EFCAB10: variants seen among roughly 807,000 people sequenced by gnomAD.
EFCAB10 encodes the protein EF-hand calcium binding domain 10, also known as EF-hand calcium-binding domain-containing protein 10.
In EFCAB10, 7 loss-of-function variants were observed where a neutral mutation model predicts 7.7. That is an observed-to-expected ratio of 0.91 (90% CI 0.52 to 1.72). EFCAB10 has a LOEUF of 1.72. Among genes scored for constraint, EFCAB10 ranks in the 40% most tolerant of loss-of-function variants. The pLI is 0.00. For synonymous variants in EFCAB10, 52 were observed against 21.0 expected (o/e 2.47, Z -4.03); for missense variants, 112 against 61.5 (o/e 1.82, Z -2.74).
At chr7:105,567,711 A>T (rs1277263654) in intron 3 of EFCAB10, 1 of 486,038 alleles carries the variant, frequency 2.1e-6, no homozygotes, top group Non-Finnish European at 3.6e-6. Context: ...AGGCACCTGT[A>T]TCTAGTTTGG....
At chr7:105,580,736 A>G (rs1347689621) in intron 1 of EFCAB10, among the ~76,000 whole-genome samples, 1 of 152,120 alleles carries the variant, frequency 6.6e-6, no homozygotes, top group Non-Finnish European at 1.5e-5. Flanking sequence ...AGGTCGGCAA[A>G]TTACAATTCT....
At chr7:105,566,966 A>G (rs1209321053) in intron 4 of EFCAB10, 1 of 445,576 alleles carries the variant, frequency 2.2e-6, no homozygotes, top group East Asian at 3.4e-5. Context: ...TAGTCTTACC[A>G]TGTTAAAAGA....
Position 105,581,350 on chromosome 7 carries a change from G to A in EFCAB10, c.106+8C>T. The A allele has an allele frequency of 1.4e-6, 1 of 702,888 alleles. No individual in the cohort carries two copies. Among genetic ancestry groups the A allele is most frequent in the Non-Finnish European group, 2.6e-6 (1 of 384,930 alleles). 43.5% of individuals were successfully genotyped at this position (702,888 alleles called of 1,614,324 possible). ...GGTATGGCTGTACCGGGGCATGGGG[G>A]CCCTTACCCGGCCGAAAGAAAAGGA... On this transcript the variant is annotated splice_region_variant and intron_variant, in intron 1 of 4. Transcript: ENST00000480514.
chr7:105,581,384 G>A lies in EFCAB10; in HGVS notation c.80C>T (p.Thr27Ile). The A allele has an allele frequency of 1.4e-6, 1 of 703,030 alleles. No individual in the cohort carries two copies. Among genetic ancestry groups the A allele is most frequent in the Non-Finnish European group, 2.6e-6 (1 of 385,006 alleles). 43.5% of individuals were successfully genotyped at this position (703,030 alleles called of 1,614,324 possible). A position where few individuals can be genotyped will look rare whatever the true frequency, so the allele number is the denominator to read the frequency against. ...HQIKEVVSYL[T>I]SALLFFRPEK... ...CGGCCGAAAGAAAAGGAGGGCGCTG[G>A]TGAGGTAGCTAACCACCTCCTTGAT... The change falls in exon 1 of 5, where the codon ACC (threonine) becomes ATC (isoleucine). Residue 27 changes from threonine to isoleucine, a missense_variant. Thr to Ile is a moderately conservative substitution (Grantham distance 89). Transcript: ENST00000480514.
intron 4 of EFCAB10, chr7:105,566,818 T>C (rs551783131): frequency 5.5e-6 from 1 of 180,766 alleles, no homozygotes; most frequent in Non-Finnish European, 1.1e-5. Flanking sequence ...TCCCATGTTC[T>C]AATCTACCTA....
Position 105,570,251 on chromosome 7 carries a change from A to G in EFCAB10, c.107-680T>C, listed in dbSNP as rs186149352. On this transcript the variant is annotated intron_variant, in intron 1 of 4. Transcript: ENST00000480514. ...AAAAAAAAAAAAAAAATATATATAT[A>G]TATATATATATATATATACACACAC... Among the ~76,000 whole-genome samples the G allele has an allele frequency of 3.7e-3, 366 of 99,286 alleles. 14 individuals are homozygous for G. The highest frequency in any genetic ancestry group is 0.027 in the East Asian group (108 of 3,934). The allele number at this position is 99,286 out of a possible 152,430, so 65.1% of individuals were successfully genotyped here. A position where few individuals can be genotyped will look rare whatever the true frequency, so the allele number is the denominator to read the frequency against.
intron 3 of EFCAB10, chr7:105,567,697 AT>A (rs1791828803): frequency 2.0e-6 from 1 of 504,110 alleles, no homozygotes; most frequent in Non-Finnish European, 3.5e-6. Context: ...CATATTTGTA[AT>A]TGAGGCACCT....
At position 105,567,253 on chromosome 7, in the gene EFCAB10, A is replaced by G. The variant is rs1479143379; in HGVS notation, c.383+214T>C. On this transcript the variant is annotated intron_variant, in intron 4 of 4. Transcript: ENST00000480514. The stretch of plus-strand genomic sequence containing the variant: ...GAAGTTGGAATTTACAAACTGGCTC[A>G]ACAAGATGTTGAGATTCTACTTAAT... 1 of 1,613,026 alleles carries G rather than the reference A, an allele frequency of 6.2e-7. No individual in the cohort carries two copies. The highest frequency in any genetic ancestry group is 8.5e-7 in the Non-Finnish European group (1 of 1,179,766).
intron 1 of EFCAB10, among the ~76,000 whole-genome samples, chr7:105,569,966 T>C (rs1160270784): frequency 6.6e-6 from 1 of 151,692 alleles, no homozygotes; most frequent in African/African-American, 2.4e-5. Context: ...TTCATGCCTG[T>C]AATCTCAGCA....
chr7:105,577,735 T>C (rs2115573285), intron 1 of EFCAB10, among the ~76,000 whole-genome samples: 1 of 148,266 alleles, frequency 6.7e-6, no homozygotes, highest in South Asian at 2.1e-4. Context: ...TTTTTTTTCC[T>C]TGAGGCAGAG....
intron 1 of EFCAB10, among the ~76,000 whole-genome samples, chr7:105,576,952 A>G (rs556599831): frequency 3.3e-5 from 5 of 152,086 alleles, no homozygotes; most frequent in African/African-American, 1.2e-4. Flanking sequence ...TACTCTGGAG[A>G]CTGAGGCATG....
In EFCAB10 at chr7:105,581,432, G is replaced by A. The variant is rs1203533494; in HGVS notation, c.32C>T (p.Ala11Val). 5 of 702,958 alleles carry A rather than the reference G, an allele frequency of 7.1e-6. No homozygotes were observed. Among genetic ancestry groups the A allele is most frequent in the African/African-American group, 5.2e-5 (3 of 57,252 alleles). The allele number at this position is 702,958 out of a possible 1,614,324, so 43.5% of individuals were successfully genotyped here. A position where few individuals can be genotyped will look rare whatever the true frequency, so the allele number is the denominator to read the frequency against. The change falls in exon 1 of 5, where the codon GCG becomes GTG. Residue 11 changes from alanine (A) to valine (V), a missense_variant. Transcript: ENST00000480514. The part of the protein sequence containing the change: METSSRELQA[A>V]EYLEKHQIKE... Reference sequence around the variant, plus strand: ...GATCTGATGCTTTTCCAAATACTCCGCGGCTTGGAGCTCCCTGCTGCTGGT... The same window carrying A: ...GATCTGATGCTTTTCCAAATACTCCACGGCTTGGAGCTCCCTGCTGCTGGT...
At chr7:105,570,228 AAAAAAAAAAAAAAT>A (rs1411743382) in intron 1 of EFCAB10, among the ~76,000 whole-genome samples, 10 of 65,020 alleles carry the variant, frequency 1.5e-4, no homozygotes, top group African/African-American at 4.0e-4. Flanking sequence ...AAAAAAAAAA[AAAAAAAAAAAAAAT>A]ATATATATAT....
chr7:105,567,029 G>A, intron 4 of EFCAB10: 2 of 724,668 alleles, frequency 2.8e-6, no homozygotes, highest in Non-Finnish European at 4.3e-6. Context: ...GACCAGCAGT[G>A]CAGAGAAGCT....
chr7:105,575,268 T>C (rs1792049913), intron 1 of EFCAB10, among the ~76,000 whole-genome samples: 1 of 152,108 alleles, frequency 6.6e-6, no homozygotes, highest in Admixed American at 6.6e-5. Context: ...TGGGCGGGGA[T>C]ACAGCCAAAC....
chr7:105,566,834 A>T lies in EFCAB10; in HGVS notation c.383+633T>A, dbSNP rs919067084. On this transcript the variant is annotated intron_variant, in intron 4 of 4. Coordinates refer to ENST00000480514, the MANE Select transcript of EFCAB10 (RefSeq NM_001355526.2). ...CCCATGTTCTAATCTACCTAAAGTT[A>T]TAGCTATATTTAATATAGTGTTAAT... 3.6e-5 allele frequency: 7 copies of T among 195,894 alleles called. No homozygotes were observed. In the East Asian group the frequency reaches 8.0e-4, roughly 23 times the overall value. 12.1% of individuals were successfully genotyped at this position (195,894 alleles called of 1,614,324 possible).
intron 1 of EFCAB10, among the ~76,000 whole-genome samples, chr7:105,581,026 C>A (rs1007451464): frequency 2.0e-5 from 3 of 152,164 alleles, no homozygotes; most frequent in Admixed American, 1.3e-4. Flanking sequence ...TCGAGACCAG[C>A]CTGACCAACA....
At chr7:105,574,124 G>GTATA (rs4006347) in intron 1 of EFCAB10, among the ~76,000 whole-genome samples, 1 of 148,146 alleles carries the variant, frequency 6.8e-6, no homozygotes, top group Admixed American at 6.7e-5. Flanking sequence ...CAATGTGTGT[G>GTATA]TATATATATA....
Position 105,581,243 on chromosome 7 carries a change from A to G in EFCAB10, c.106+115T>C, listed in dbSNP as rs1170320548. On this transcript the variant is annotated intron_variant, in intron 1 of 4. Coordinates refer to ENST00000480514, the MANE Select transcript of EFCAB10 (RefSeq NM_001355526.2). Reference sequence around the variant, plus strand: ...GAAGGCCGCAGAGTTAATCAACAGCAGAAGGGCTCACGTGGCTGGGAGGCA... The same window carrying G: ...GAAGGCCGCAGAGTTAATCAACAGCGGAAGGGCTCACGTGGCTGGGAGGCA... 3.3e-5 allele frequency: 21 copies of G among 642,366 alleles called. No individual in the cohort carries two copies. The East Asian group carries it at 5.7e-4, about 18-fold the overall frequency. 39.8% of individuals were successfully genotyped at this position (642,366 alleles called of 1,614,324 possible).
Sources: allele counts gnomAD v4.1 joint callset (sites outside exome capture counted in the v4.1 genomes callset), GRCh38; gene constraint gnomAD v4.1.1; transcripts MANE v1.5; gene names NCBI Gene and HGNC (gene_info 2026-07-23, HGNC 2026-07-21).